The following UGT1A6 variants were observed in gnomAD, a reference collection of about 807,000 sequenced individuals.
UGT1A6 encodes UDP-glucuronosyltransferase 1A6.
UGT1A6 carries 32 observed loss-of-function variants against 44.4 expected under a neutral mutation model. The ratio of observed to expected loss-of-function variants is 0.72; its 90% confidence interval spans 0.54 to 0.97. The LOEUF (loss-of-function observed/expected upper bound fraction) is 0.97, where lower values mean the gene tolerates loss of function less well. Among genes scored for constraint, UGT1A6 ranks in the 50% least tolerant of loss-of-function variants. The pLI, the probability that UGT1A6 is intolerant of heterozygous loss-of-function variation, is 0.00. For missense variants in UGT1A6, 685 were observed against 661.9 expected (o/e 1.03, Z -0.38); for synonymous variants, 238 against 248.5 (o/e 0.96, Z 0.40).
chr2:233,757,562 G>GTATATA (rs1491042837), intron 1 of UGT1A6, among the ~76,000 whole-genome samples: 1 of 90,870 alleles, frequency 1.1e-5, no homozygotes, highest in African/African-American at 5.1e-5. Flanking sequence ...ATATATATAT[G>GTATATA]TATATATGAT....
intron 1 of UGT1A6, chr2:233,719,512 A>G: frequency 6.2e-7 from 1 of 1,613,910 alleles, no homozygotes; most frequent in Non-Finnish European, 8.5e-7. Context: ...TCTGCCCCTT[A>G]TGCAAGTCTT....
chr2:233,759,026 A>G (rs888147104), intron 1 of UGT1A6, among the ~76,000 whole-genome samples: 4 of 152,116 alleles, frequency 2.6e-5, no homozygotes, highest in Admixed American at 2.0e-4. Flanking sequence ...TTGCTTATCT[A>G]TTTGGTTTCC....
rs1205477836 is a variant in UGT1A6 at position 233,760,858 on chromosome 2, TC to T, written c.862-6174del. 2.5e-6 allele frequency: 4 copies of T among 1,613,972 alleles called. No homozygotes were observed. In the African/African-American group the frequency reaches 4.0e-5, roughly 16 times the overall value. On this transcript the variant is annotated intron_variant, in intron 1 of 4. Transcript: ENST00000305139. ...GGCTACCCAGTGCCCCAACCCATTC[TC>T]CTACGTGCCCAGGCCTCTCTCCTCT... is the stretch of plus-strand genomic sequence containing the variant.
intron 1 of UGT1A6, chr2:233,756,296 T>C (rs1295271846): frequency 6.6e-6 from 1 of 152,242 alleles, no homozygotes; most frequent in Non-Finnish European, 1.5e-5. Flanking sequence ...ACAGTATTTG[T>C]ATATAACCTA....
At chr2:233,736,335 T>G (rs1256501308) in intron 1 of UGT1A6, among the ~76,000 whole-genome samples, 1 of 152,262 alleles carries the variant, frequency 6.6e-6, no homozygotes, top group Non-Finnish European at 1.5e-5. Context: ...GTTATGAAGT[T>G]CTTGTGCCAT....
chr2:233,761,695 G>T (rs1292253541), intron 1 of UGT1A6, among the ~76,000 whole-genome samples: 1 of 152,240 alleles, frequency 6.6e-6, no homozygotes, highest in East Asian at 1.9e-4. Flanking sequence ...ATACAGAAAG[G>T]TTGTAGGTTT....
intron 1 of UGT1A6, among the ~76,000 whole-genome samples, chr2:233,758,094 G>A (rs1428723700): frequency 6.6e-6 from 1 of 152,162 alleles, no homozygotes; most frequent in Non-Finnish European, 1.5e-5. Flanking sequence ...CATAGTGACT[G>A]CCATCCAGTA....
At chr2:233,691,777 C>T (rs1445680377), upstream of UGT1A6, 40 of 315,194 alleles carry the variant, frequency 1.3e-4, 1 homozygote, top group Non-Finnish European at 1.7e-4. Context: ...ATTCTCACCA[C>T]GTACTGGCTA....
chr2:233,702,392 C>G (rs116752666), intron 1 of UGT1A6, among the ~76,000 whole-genome samples: 1,932 of 152,128 alleles, frequency 0.013, 42 homozygotes, highest in African/African-American at 0.043. Context: ...CATTCCAGAT[C>G]ATGTTATCTA....
intron 1 of UGT1A6, among the ~76,000 whole-genome samples, chr2:233,695,500 T>C (rs1423604345): frequency 2.0e-5 from 3 of 152,070 alleles, no homozygotes; most frequent in African/African-American, 4.8e-5. Context: ...ATCAAAGTTT[T>C]TGGAGTATTA....
intron 1 of UGT1A6, among the ~76,000 whole-genome samples, chr2:233,717,439 G>A (rs542098595): frequency 2.9e-4 from 44 of 152,272 alleles, no homozygotes; most frequent in Non-Finnish European, 5.4e-4. Flanking sequence ...TCTGATGGAC[G>A]CATCCATTCA....
At chr2:233,724,300 C>T (rs1204740758) in intron 1 of UGT1A6, among the ~76,000 whole-genome samples, 3 of 143,888 alleles carry the variant, frequency 2.1e-5, no homozygotes, top group African/African-American at 5.1e-5. Flanking sequence ...GACCCCCCCA[C>T]CTCCCTCCCG....
chr2:233,715,132 C>A (rs2076434193), intron 1 of UGT1A6, among the ~76,000 whole-genome samples: 1 of 152,136 alleles, frequency 6.6e-6, no homozygotes, highest in Non-Finnish European at 1.5e-5. Flanking sequence ...GTGATTCACT[C>A]ACCTCAGCCT....
chr2:233,707,032 A>T (rs949515079), intron 1 of UGT1A6, among the ~76,000 whole-genome samples: 1 of 152,108 alleles, frequency 6.6e-6, no homozygotes, highest in Non-Finnish European at 1.5e-5. Context: ...CCAGCCCCCA[A>T]GGTAGAGGAA....
chr2:233,693,979 G>A, intron 1 of UGT1A6, 114 bp downstream of exon 1: 1 of 1,559,558 alleles, frequency 6.4e-7, no homozygotes. Context: ...AGAAACGGTG[G>A]GGGGAAGTGA....
At chr2:233,747,184 G>A in intron 1 of UGT1A6, 1 of 1,602,858 alleles carries the variant, frequency 6.2e-7, no homozygotes, top group Non-Finnish European at 8.5e-7. Flanking sequence ...GCGTGGGGTG[G>A]ACAGTCAGCT....
chr2:233,767,304 G>T, intron 2 of UGT1A6, 139 bp downstream of exon 2: 23 of 1,525,164 alleles, frequency 1.5e-5, no homozygotes, highest in South Asian at 2.6e-5. Context: ...TTAATCCAAA[G>T]GTTTTTTTTG....
rs542562674 is a variant in UGT1A6, at chr2:233,763,721, C to G, written c.862-3313C>G. 2.0e-5 allele frequency among the ~76,000 whole-genome samples: 3 copies of G among 152,262 alleles called. No homozygotes were observed. The South Asian group carries it at 6.2e-4, about 32-fold the overall frequency. On this transcript the variant is annotated intron_variant, in intron 1 of 4. Coordinates refer to ENST00000305139, the MANE Select transcript of UGT1A6 (RefSeq NM_001072.4). Reference sequence around the variant, plus strand: ...TGCACAAAGAAGTCCATAGAGAAAGCACAACCTGGCATTGGCGTGTCTTTG... The same window carrying G: ...TGCACAAAGAAGTCCATAGAGAAAGGACAACCTGGCATTGGCGTGTCTTTG...
rs753512191 is a variant in UGT1A6 at position 233,755,032 on chromosome 2, C to T, written c.862-12002C>T. The T allele has an allele frequency of 5.3e-6, 7 of 1,314,500 alleles. No individual in the cohort carries two copies. In the Admixed American group the frequency reaches 9.5e-5, roughly 18 times the overall value. The allele number at this position is 1,314,500 out of a possible 1,614,324, so 81.4% of individuals were successfully genotyped here. A position where few individuals can be genotyped will look rare whatever the true frequency, so the allele number is the denominator to read the frequency against. ...TCGAAGGGGTCCTTGAAGGGCCTGC[C>T]GCCTGCGCAGCCGCCCTCCGCCCTC... On this transcript the variant is annotated intron_variant, in intron 1 of 4. Coordinates refer to ENST00000305139, the MANE Select transcript of UGT1A6 (RefSeq NM_001072.4).
Sources: allele counts gnomAD v4.1 joint callset (sites outside exome capture counted in the v4.1 genomes callset), GRCh38; gene constraint gnomAD v4.1.1; transcripts MANE v1.5; gene names NCBI Gene and HGNC (gene_info 2026-07-23, HGNC 2026-07-21).